Variants in ASTN2 observed in about 807,000 individuals in gnomAD.
ASTN2 encodes astrotactin 2.
ASTN2 carries 54 observed loss-of-function variants against 139.8 expected under a neutral mutation model. That is an observed-to-expected ratio of 0.39 (90% CI 0.31 to 0.48). The LOEUF is 0.48. Ranked by LOEUF, ASTN2 falls within the 20% of genes least tolerant of loss-of-function variation. The probability of loss-of-function intolerance (pLI) is 0.95; values close to 1 mark genes in which losing one functional copy is unlikely to be tolerated. For synonymous variants in ASTN2, 756 were observed against 719.5 expected, an observed-to-expected ratio of 1.05 and a Z score of -0.81; for missense variants, 1,565 against 1,725.1, an observed-to-expected ratio of 0.91 and a Z score of 1.64.
chr9:116,921,585 C>CT (rs1350864447), intron 10 of ASTN2, among the ~76,000 whole-genome samples: 1 of 46,994 alleles, frequency 2.1e-5, no homozygotes, highest in Non-Finnish European at 6.3e-5. Flanking sequence ...GAGACTCCGT[C>CT]TAAAAAAAAA....
At chr9:116,472,015 CCCCTG>C (rs1379472918) in intron 20 of ASTN2, among the ~76,000 whole-genome samples, 1 of 152,128 alleles carries the variant, frequency 6.6e-6, no homozygotes, top group African/African-American at 2.4e-5. Flanking sequence ...CCTTTCCAGC[CCCCTG>C]CATGGTTCTA....
rs562950991 is a variant in ASTN2, at chr9:117,132,418, C to T, written c.1168+8908G>A. The stretch of plus-strand genomic sequence containing the variant: ...ATGCTAACATAGCATTATTACCATT[C>T]TACTGAAAGAAATATGGTAGAGTTG... On this transcript the variant is annotated intron_variant, in intron 4 of 22. Coordinates refer to ENST00000313400, the MANE Select transcript of ASTN2 (RefSeq NM_001365068.1). Among the ~76,000 whole-genome samples, 8 of 103,920 alleles carry T rather than the reference C, an allele frequency of 7.7e-5. No individual in the cohort carries two copies. In the South Asian group the frequency reaches 2.3e-3, roughly 29 times the overall value. 68.2% of individuals were successfully genotyped at this position (103,920 alleles called of 152,430 possible).
intron 22 of ASTN2, among the ~76,000 whole-genome samples, chr9:116,432,019 G>A (rs1271428452): frequency 2.0e-5 from 3 of 152,180 alleles, no homozygotes; most frequent in Non-Finnish European, 4.4e-5. Flanking sequence ...TTTTAGAAAG[G>A]GGTGTACTAC....
intron 16 of ASTN2, among the ~76,000 whole-genome samples, chr9:116,702,656 C>A (rs1279488192): frequency 6.6e-6 from 1 of 152,054 alleles, no homozygotes; most frequent in Non-Finnish European, 1.5e-5. Context: ...CCTAGTGTAG[C>A]CCCCTTAGAT....
intron 4 of ASTN2, among the ~76,000 whole-genome samples, chr9:117,096,829 T>C (rs1828851935): frequency 6.6e-6 from 1 of 152,116 alleles, no homozygotes; most frequent in Non-Finnish European, 1.5e-5. Flanking sequence ...GAAGGATGGA[T>C]GGGCCTGCAC....
At chr9:116,665,853 C>T (rs1484456717) in intron 16 of ASTN2, among the ~76,000 whole-genome samples, 1 of 152,118 alleles carries the variant, frequency 6.6e-6, no homozygotes. Context: ...CAAAGCCAAA[C>T]CAAAACCAAG....
chr9:116,687,054 C>T (rs912671608), intron 16 of ASTN2: 3 of 1,315,524 alleles, frequency 2.3e-6, no homozygotes, highest in Non-Finnish European at 1.9e-6. Context: ...TCTGGCTTAT[C>T]TCCTGACTTA....
intron 19 of ASTN2, among the ~76,000 whole-genome samples, chr9:116,581,260 A>C (rs550208343): frequency 6.6e-6 from 1 of 152,246 alleles, no homozygotes; most frequent in Admixed American, 6.5e-5. Flanking sequence ...GCATTTTGGA[A>C]GGGGAGTGGC....
chr9:117,205,259 C>T (rs1460455075), intron 3 of ASTN2, among the ~76,000 whole-genome samples: 4 of 113,624 alleles, frequency 3.5e-5, no homozygotes, highest in African/African-American at 1.4e-4. Flanking sequence ...AATATTACAG[C>T]TGGATTTGAG....
intron 16 of ASTN2, chr9:116,697,624 T>A: frequency 7.7e-7 from 1 of 1,292,204 alleles, no homozygotes; most frequent in Non-Finnish European, 1.1e-6. Context: ...ATTTATATAG[T>A]CAGAGGAAAA....
chr9:116,525,806 G>A (rs1237864127), intron 19 of ASTN2, among the ~76,000 whole-genome samples: 2 of 152,092 alleles, frequency 1.3e-5, no homozygotes, highest in Non-Finnish European at 2.9e-5. Flanking sequence ...CCATGGGCCT[G>A]AGAAAAATGT....
chr9:116,832,727 A>G (rs1354083022), intron 11 of ASTN2, among the ~76,000 whole-genome samples: 1 of 152,002 alleles, frequency 6.6e-6, no homozygotes, highest in Non-Finnish European at 1.5e-5. Flanking sequence ...GTGTATAGTT[A>G]TCTTTTATGT....
chr9:117,277,093 A>G (rs1476199532), intron 2 of ASTN2: 1 of 152,032 alleles, frequency 6.6e-6, no homozygotes, highest in Non-Finnish European at 1.5e-5. Flanking sequence ...TCACTGCTCT[A>G]TGTGTGTCCC....
intron 22 of ASTN2, among the ~76,000 whole-genome samples, chr9:116,426,597 C>G (rs751208122): frequency 1.3e-5 from 2 of 152,190 alleles, no homozygotes; most frequent in African/African-American, 2.4e-5. Context: ...AACATCGAGT[C>G]AGCCACTGGA....
At chr9:117,139,866 G>A (rs780231442) in intron 4 of ASTN2, among the ~76,000 whole-genome samples, 1 of 152,180 alleles carries the variant, frequency 6.6e-6, no homozygotes, top group African/African-American at 2.4e-5. Flanking sequence ...TGTTAAGCTT[G>A]AAAAGACAGG....
At chr9:116,741,023 A>T (rs896683421) in intron 13 of ASTN2, among the ~76,000 whole-genome samples, 3 of 152,006 alleles carry the variant, frequency 2.0e-5, no homozygotes, top group Non-Finnish European at 4.4e-5. Context: ...CCTACAAAGC[A>T]TTTCCACTGA....
chr9:117,301,535 A>G (rs1834875099), intron 1 of ASTN2, among the ~76,000 whole-genome samples: 2 of 152,154 alleles, frequency 1.3e-5, no homozygotes, highest in Non-Finnish European at 2.9e-5. Flanking sequence ...ACTTTTCCAA[A>G]CCCTGATTCA....
chr9:117,307,159 A>T (rs1835021622), intron 1 of ASTN2, among the ~76,000 whole-genome samples: 1 of 152,228 alleles, frequency 6.6e-6, no homozygotes. Context: ...CTTAAAGTAC[A>T]AGTGTGCTCA....
chr9:116,510,853 G>A (rs1001077195), intron 19 of ASTN2, among the ~76,000 whole-genome samples: 19 of 152,120 alleles, frequency 1.2e-4, no homozygotes, highest in African/African-American at 3.9e-4. Flanking sequence ...CATTGATTTT[G>A]TATCCTGAGA....
Sources: allele counts gnomAD v4.1 joint callset (sites outside exome capture counted in the v4.1 genomes callset), GRCh38; gene constraint gnomAD v4.1.1; transcripts MANE v1.5; gene names NCBI Gene and HGNC (gene_info 2026-07-23, HGNC 2026-07-21).